The following CTNNA2 variants were observed in gnomAD, a reference collection of about 807,000 sequenced individuals.
The protein encoded by CTNNA2 is catenin alpha 2, also known as catenin alpha-2.
CTNNA2 carries 42 observed loss-of-function variants against 101.0 expected under a neutral mutation model. That is an observed-to-expected ratio of 0.42 (90% confidence interval 0.32 to 0.54). The LOEUF (loss-of-function observed/expected upper bound fraction) is 0.54. Ranked by LOEUF, CTNNA2 falls within the 20% of genes least tolerant of loss-of-function variation. CTNNA2 has a pLI of 0.14. For missense variants in CTNNA2, 871 were observed against 1,223.1 expected (o/e 0.71, Z 4.29); for synonymous variants, 450 against 456.4 (o/e 0.99, Z 0.18).
intron 4 of CTNNA2, among the ~76,000 whole-genome samples, chr2:79,868,321 C>T (rs1682304149): frequency 6.6e-6 from 1 of 152,130 alleles, no homozygotes; most frequent in South Asian, 2.1e-4. Flanking sequence ...CCCCCCAACC[C>T]CTGCCACCAG....
intron 4 of CTNNA2, among the ~76,000 whole-genome samples, chr2:79,431,068 A>G (rs949582394): frequency 1.1e-4 from 17 of 152,114 alleles, no homozygotes; most frequent in African/African-American, 4.1e-4. Flanking sequence ...CATACAGGAA[A>G]CTAGAATTGT....
chr2:80,313,615 T>A (rs556503487), intron 7 of CTNNA2: 1 of 1,610,796 alleles, frequency 6.2e-7, no homozygotes, highest in Non-Finnish European at 8.5e-7. Flanking sequence ...GTGAAAAAAA[T>A]ATGAAGACTT....
intron 3 of CTNNA2, among the ~76,000 whole-genome samples, chr2:79,830,338 C>G (rs1486768418): frequency 6.6e-6 from 1 of 152,032 alleles, no homozygotes; most frequent in Non-Finnish European, 1.5e-5. Flanking sequence ...GCAGGCAGGT[C>G]AAAGGGAAGT....
At chr2:80,499,777 T>C (rs1687735154) in intron 9 of CTNNA2, among the ~76,000 whole-genome samples, 2 of 152,070 alleles carry the variant, frequency 1.3e-5, no homozygotes, top group South Asian at 4.1e-4. Context: ...GCCGAGATCA[T>C]GCCACTACAC....
chr2:80,368,773 G>C, intron 7 of CTNNA2, among the ~76,000 whole-genome samples: 1 of 131,646 alleles, frequency 7.6e-6, no homozygotes, highest in East Asian at 2.1e-4. Flanking sequence ...GCCATTTTTA[G>C]CAAAAAAAAA....
chr2:79,989,068 A>G (rs1335412218), intron 7 of CTNNA2, among the ~76,000 whole-genome samples: 1 of 152,344 alleles, frequency 6.6e-6, no homozygotes, highest in African/African-American at 2.4e-5. Context: ...CGAGAATTGC[A>G]TAGTCCTTTA....
intron 7 of CTNNA2, among the ~76,000 whole-genome samples, chr2:79,931,865 G>A (rs972821324): frequency 6.6e-6 from 1 of 152,138 alleles, no homozygotes; most frequent in African/African-American, 2.4e-5. Flanking sequence ...CCAGGGATTT[G>A]TGGATCCTGG....
chr2:79,988,208 G>C (rs941073882), intron 7 of CTNNA2, among the ~76,000 whole-genome samples: 1 of 152,158 alleles, frequency 6.6e-6, no homozygotes, highest in African/African-American at 2.4e-5. Flanking sequence ...CCATATACCA[G>C]CTACGCAGTT....
intron 3 of CTNNA2, among the ~76,000 whole-genome samples, chr2:79,755,795 G>T (rs756676758): frequency 1.3e-5 from 2 of 152,096 alleles, no homozygotes; most frequent in African/African-American, 2.4e-5. Flanking sequence ...CCATGGAAAA[G>T]TATGCTATCT....
At chr2:79,702,483 T>C (rs570230964) in intron 2 of CTNNA2, among the ~76,000 whole-genome samples, 1 of 152,300 alleles carries the variant, frequency 6.6e-6, no homozygotes, top group East Asian at 1.9e-4. Flanking sequence ...TGACTCCTGC[T>C]GTAGAGGATG....
At chr2:79,437,858 C>A (rs752347739) in intron 4 of CTNNA2, among the ~76,000 whole-genome samples, 10 of 152,204 alleles carry the variant, frequency 6.6e-5, no homozygotes, top group Non-Finnish European at 1.5e-4. Context: ...CTGAACCACG[C>A]AAGCTCCATA....
intron 3 of CTNNA2, among the ~76,000 whole-genome samples, chr2:79,372,889 T>C (rs4852145): frequency 0.82 from 124,021 of 152,144 alleles, 51,069 homozygotes; most frequent in African/African-American, 0.92. Flanking sequence ...TGCTAAAACT[T>C]TTTAAACCTG....
At chr2:79,364,011 G>A (rs917319289) in intron 3 of CTNNA2, among the ~76,000 whole-genome samples, 2 of 152,108 alleles carry the variant, frequency 1.3e-5, no homozygotes, top group African/African-American at 4.8e-5. Context: ...CTGGAGAAAA[G>A]GCATTACATC....
At chr2:80,032,553 C>T (rs1463388797) in intron 7 of CTNNA2, among the ~76,000 whole-genome samples, 1 of 152,116 alleles carries the variant, frequency 6.6e-6, no homozygotes. Flanking sequence ...AATAAGTATG[C>T]ATGGATACAC....
At chr2:80,578,968 A>G (rs1050094426) in intron 13 of CTNNA2, 2 of 152,094 alleles carry the variant, frequency 1.3e-5, no homozygotes, top group East Asian at 3.9e-4. Flanking sequence ...AATTTAGTTA[A>G]TTTTTATGGT....
At chr2:80,492,291 A>G (rs187939248) in intron 9 of CTNNA2, among the ~76,000 whole-genome samples, 1 of 152,200 alleles carries the variant, frequency 6.6e-6, no homozygotes, top group East Asian at 1.9e-4. Context: ...CATGACTATA[A>G]GTTTCCTGAG....
Position 80,606,381 on chromosome 2 carries a change from C to T in CTNNA2, c.2296-1803C>T, listed in dbSNP as rs190300117. Among the ~76,000 whole-genome samples the T allele has an allele frequency of 2.6e-3, 280 of 107,626 alleles. 4 individuals are homozygous for T. In the East Asian group the frequency reaches 0.044, roughly 17 times the overall value. The allele number at this position is 107,626 out of a possible 152,430, so 70.6% of individuals were successfully genotyped here. On this transcript the variant is annotated intron_variant, in intron 16 of 18. Coordinates refer to ENST00000402739, the MANE Select transcript of CTNNA2 (RefSeq NM_001282597.3). ...AAAACACATCAAACACACACACACA[C>T]ACACACACACACACACACACACACA... is the stretch of plus-strand genomic sequence containing the variant.
chr2:80,293,570 TG>T (rs938773823), intron 7 of CTNNA2, among the ~76,000 whole-genome samples: 1 of 152,150 alleles, frequency 6.6e-6, no homozygotes, highest in African/African-American at 2.4e-5. Flanking sequence ...GGGAACAAGG[TG>T]GGATGTCCTG....
chr2:80,490,939 T>A (rs2149516886), intron 9 of CTNNA2, among the ~76,000 whole-genome samples: 1 of 152,346 alleles, frequency 6.6e-6, no homozygotes, highest in East Asian at 1.9e-4. Context: ...AAAGAATGTA[T>A]ATTCTGGGAA....
Sources: gnomAD v4.1 joint callset for allele counts (sites outside exome capture counted in the v4.1 genomes callset) on GRCh38, gnomAD v4.1.1 for gene constraint, MANE v1.5 for transcripts, NCBI Gene and HGNC (gene_info 2026-07-23, HGNC 2026-07-21) for gene names.